The following RNLS variants were observed in gnomAD, a reference collection of about 807,000 sequenced individuals.
RNLS encodes the protein renalase.
Under a neutral mutation model 39.8 loss-of-function variants are expected in RNLS, and 39 were observed. The ratio of observed to expected loss-of-function variants is 0.98; its 90% CI spans 0.76 to 1.28. RNLS has a LOEUF of 1.28. RNLS is among the 50% of genes most tolerant of loss of function. RNLS has a pLI of 0.00. For missense variants in RNLS, 410 were observed against 413.3 expected (o/e 0.99, Z 0.07); for synonymous variants, 147 against 150.7 (o/e 0.98, Z 0.18).
intron 6 of RNLS, among the ~76,000 whole-genome samples, chr10:88,287,745 G>A (rs777303753): frequency 6.6e-6 from 1 of 152,072 alleles, no homozygotes; most frequent in Admixed American, 6.6e-5. Context: ...GCATGTGAAG[G>A]AGGAACTGTC....
intron 4 of RNLS, among the ~76,000 whole-genome samples, chr10:88,502,187 A>T (rs764964647): frequency 6.6e-6 from 1 of 151,994 alleles, no homozygotes; most frequent in Non-Finnish European, 1.5e-5. Flanking sequence ...AAATATTCTA[A>T]ATTATAATGG....
At chr10:88,206,989 G>A in the RNLS span, among the ~76,000 whole-genome samples, 1 of 152,130 alleles carries the variant, frequency 6.6e-6, no homozygotes, top group Non-Finnish European at 1.5e-5. Context: ...CCACAGGCTA[G>A]ACAGACCCCA....
chr10:88,282,948 A>G (rs541311576), downstream of RNLS, among the ~76,000 whole-genome samples: 36 of 152,260 alleles, frequency 2.4e-4, no homozygotes, highest in Non-Finnish European at 1.2e-4. Context: ...CGCTCCTTTC[A>G]AAACAGAACA....
the RNLS span, chr10:88,259,175 T>C: frequency 6.6e-6 from 1 of 152,374 alleles, no homozygotes; most frequent in East Asian, 1.9e-4. Flanking sequence ...GAATCATGTC[T>C]GCCGGTCTCA....
intron 5 of RNLS, among the ~76,000 whole-genome samples, chr10:88,351,772 T>C (rs1328535272): frequency 6.6e-6 from 1 of 152,234 alleles, no homozygotes; most frequent in African/African-American, 2.4e-5. Flanking sequence ...GGGATGGCAT[T>C]GAATCTATAA....
chr10:88,510,256 C>G (rs1314515076), intron 4 of RNLS, among the ~76,000 whole-genome samples: 2 of 151,702 alleles, frequency 1.3e-5, no homozygotes, highest in Non-Finnish European at 2.9e-5. Context: ...GAGAGGACTC[C>G]ACATTTTAAA....
At chr10:88,460,934 G>A (rs1028311732) in intron 4 of RNLS, among the ~76,000 whole-genome samples, 5 of 152,064 alleles carry the variant, frequency 3.3e-5, no homozygotes, top group Non-Finnish European at 7.4e-5. Context: ...GAAGAGGCCT[G>A]TCTATACTGG....
chr10:88,409,948 T>C lies in RNLS; in HGVS notation c.527-47223A>G, dbSNP rs962421060. On this transcript the variant is annotated intron_variant, in intron 4 of 6. Transcript: ENST00000331772. ...TGTCAGACAGCAAATACTTTAGGCA[T>C]TGTGGGACATACAGTGTCCCTTGCA... is the stretch of plus-strand genomic sequence containing the variant. Among the ~76,000 whole-genome samples, 6 of 152,222 alleles carry C rather than the reference T, an allele frequency of 3.9e-5. No homozygotes were observed. The South Asian group carries it at 1.0e-3, about 26-fold the overall frequency.
intron 4 of RNLS, among the ~76,000 whole-genome samples, chr10:88,369,829 G>A (rs1850404083): frequency 6.6e-6 from 1 of 152,110 alleles, no homozygotes; most frequent in Non-Finnish European, 1.5e-5. Context: ...ACAGGCACAT[G>A]CCACACACCT....
chr10:88,252,887 C>G, the RNLS span, among the ~76,000 whole-genome samples: 2 of 152,140 alleles, frequency 1.3e-5, no homozygotes, highest in Admixed American at 1.3e-4. Flanking sequence ...GACATAGAGG[C>G]CTGGGCTCTG....
the RNLS span, among the ~76,000 whole-genome samples, chr10:88,256,018 G>A: frequency 4.6e-5 from 7 of 152,196 alleles, no homozygotes; most frequent in African/African-American, 1.7e-4. Flanking sequence ...GGAGTAGAAA[G>A]GCAGCTCAGG....
At chr10:88,332,083 G>A (rs1564701869) in intron 5 of RNLS, among the ~76,000 whole-genome samples, 1 of 152,174 alleles carries the variant, frequency 6.6e-6, no homozygotes, top group South Asian at 2.1e-4. Flanking sequence ...TCTACTGCTG[G>A]TCCCAGGTCA....
the RNLS span, among the ~76,000 whole-genome samples, chr10:88,218,784 C>G: frequency 6.6e-6 from 1 of 152,186 alleles, no homozygotes; most frequent in African/African-American, 2.4e-5. Context: ...AGTCAGGAAG[C>G]CTTCCTCTTT....
chr10:88,291,778 T>C (rs535782315), intron 6 of RNLS, among the ~76,000 whole-genome samples: 4 of 152,256 alleles, frequency 2.6e-5, no homozygotes, highest in Admixed American at 1.3e-4. Context: ...GACCCTTTAA[T>C]GCCAAGAAAC....
At chr10:88,485,654 A>C (rs928457051) in intron 4 of RNLS, among the ~76,000 whole-genome samples, 2 of 151,796 alleles carry the variant, frequency 1.3e-5, no homozygotes, top group East Asian at 3.9e-4. Context: ...AAAAAAAAAA[A>C]AAAAAACGAA....
chr10:88,288,362 T>C (rs1463912569), intron 6 of RNLS, among the ~76,000 whole-genome samples: 1 of 152,088 alleles, frequency 6.6e-6, no homozygotes, highest in Non-Finnish European at 1.5e-5. Context: ...TCCAGCACTT[T>C]CAGAAATATT....
the RNLS span, among the ~76,000 whole-genome samples, chr10:88,241,248 C>CAA: frequency 3.5e-4 from 47 of 133,488 alleles, no homozygotes; most frequent in East Asian, 6.3e-4. Context: ...TTTAATTTTT[C>CAA]AAAAAAAAAA....
chr10:88,178,067 A>T, the RNLS span, among the ~76,000 whole-genome samples: 1 of 152,188 alleles, frequency 6.6e-6, no homozygotes, highest in Non-Finnish European at 1.5e-5. Context: ...GGAAGGGCAC[A>T]CATTGGCTCC....
the RNLS span, among the ~76,000 whole-genome samples, chr10:88,248,419 G>C: frequency 6.6e-6 from 1 of 152,128 alleles, no homozygotes; most frequent in Non-Finnish European, 1.5e-5. Flanking sequence ...GAATTAACTG[G>C]AAGCCTGGAG....
Sources: allele counts gnomAD v4.1 joint callset (sites outside exome capture counted in the v4.1 genomes callset), GRCh38; gene constraint gnomAD v4.1.1; transcripts MANE v1.5; gene names NCBI Gene and HGNC (gene_info 2026-07-23, HGNC 2026-07-21).